DKK1: variants seen among roughly 807,000 people sequenced by gnomAD.
The protein encoded by DKK1 is dickkopf-related protein 1.
In DKK1, 18 loss-of-function variants were observed where a neutral mutation model predicts 26.0. The ratio of observed to expected loss-of-function variants is 0.69; its 90% confidence interval spans 0.48 to 1.03. The LOEUF is 1.03. Among genes scored for constraint, DKK1 ranks in the 50% least tolerant of loss-of-function variants. The pLI, the probability that DKK1 is intolerant of heterozygous loss-of-function variation, is 0.00. For synonymous variants in DKK1, 130 were observed against 132.6 expected, an observed-to-expected ratio of 0.98 and a Z score of 0.13; for missense variants, 335 against 348.5, an observed-to-expected ratio of 0.96 and a Z score of 0.31.
chr10:52,314,626 G>A lies in DKK1; in HGVS notation c.192G>A (p.Pro64=), dbSNP rs773252103. The change falls in exon 1 of 4, where the codon CCG becomes CCA. Residue 64 remains proline (P), a synonymous_variant. Coordinates refer to ENST00000373970, the MANE Select transcript of DKK1 (RefSeq NM_012242.4). This position sits in a 1 kb window ranked among gnomAD's most constrained non-coding sequence, Gnocchi z 5.7. ...CAGGCTCTGCAGTCAGCGCCGCGCC[G>A]GGAATCCTGTACCCGGGCGGGAATA... ...GHPGSAVSAA[P]GILYPGGNKY... 5 of 1,613,146 alleles carry A rather than the reference G, an allele frequency of 3.1e-6. No homozygotes were observed. Among genetic ancestry groups the A allele is most frequent in the African/African-American group, 1.3e-5 (1 of 74,902 alleles).
chr10:52,315,531 G>A (rs1334340695), intron 2 of DKK1, among the ~76,000 whole-genome samples: 1 of 152,084 alleles, frequency 6.6e-6, no homozygotes, highest in African/African-American at 2.4e-5. Context: ...GACTGGCCTC[G>A]CCTTCTGATT....
Position 52,316,451 on chromosome 10 carries a change from C to T in DKK1, c.547+16C>T, listed in dbSNP as rs763734124. 1.3e-5 allele frequency: 21 copies of T among 1,613,446 alleles called. No homozygotes were observed. Among genetic ancestry groups the T allele is most frequent in the Non-Finnish European group, 1.7e-6 (2 of 1,179,832 alleles). On this transcript the variant is annotated intron_variant, in intron 3 of 3. Coordinates refer to ENST00000373970, the MANE Select transcript of DKK1 (RefSeq NM_012242.4). ...CACACCAAAGGTAAGGATGTTAAGA[C>T]TCATTCTTAGCACATCAGAAGTGTC...
rs1469304856 is a variant in DKK1, at chr10:52,317,071, G to A, written c.*264G>A. On this transcript the variant is annotated 3_prime_UTR_variant, in exon 4 of 4. Coordinates refer to ENST00000373970, the MANE Select transcript of DKK1 (RefSeq NM_012242.4). Reference sequence around the variant, plus strand: ...GAAACTTTTAATTATTTTTCTAAAGGTGCTGCACTGCCTATTTTTCCTCTT... The same window carrying A: ...GAAACTTTTAATTATTTTTCTAAAGATGCTGCACTGCCTATTTTTCCTCTT... 2.4e-6 allele frequency: 1 copy of A among 417,928 alleles called. No individual in the cohort carries two copies. The highest frequency in any genetic ancestry group is 4.3e-6 in the Non-Finnish European group (1 of 233,824). The allele number at this position is 417,928 out of a possible 1,614,324, so 25.9% of individuals were successfully genotyped here. A position where few individuals can be genotyped will look rare whatever the true frequency, so the allele number is the denominator to read the frequency against.
Position 52,314,899 on chromosome 10 carries a change from C to T in DKK1, c.244-24C>T, listed in dbSNP as rs2132486289. ...GTACCTGGACGTCTGGGTGCCTCAC[C>T]CTCTCCCCGAACCCTTCCCACAGCC... On this transcript the variant is annotated intron_variant, in intron 1 of 3. Coordinates refer to ENST00000373970, the MANE Select transcript of DKK1 (RefSeq NM_012242.4). The surrounding 1 kb of genome is among the most constrained non-coding windows in gnomAD (Gnocchi z 5.7). 6.8e-7 allele frequency: 1 copy of T among 1,481,052 alleles called. No individual in the cohort carries two copies. Among genetic ancestry groups the T allele is most frequent in the East Asian group, 2.4e-5 (1 of 40,824 alleles). The allele number at this position is 1,481,052 out of a possible 1,614,324, so 91.7% of individuals were successfully genotyped here. A position where few individuals can be genotyped will look rare whatever the true frequency, so the allele number is the denominator to read the frequency against.
At position 52,315,049 on chromosome 10, in the gene DKK1, C is replaced by G; in HGVS notation, c.370C>G (p.His124Asp). ...CRKRRKRCMR[H>D]AMCCPGNYCK... is the part of the protein sequence containing the mutation. ...GAAGCGCCGAAAACGCTGCATGCGT[C>G]ACGCTATGTGCTGCCCCGGGAATTA... The change falls in exon 2 of 4, where the codon CAC (histidine) becomes GAC (aspartate). Residue 124 changes from histidine to aspartate, a missense_variant. Coordinates refer to ENST00000373970, the MANE Select transcript of DKK1 (RefSeq NM_012242.4). 1 of 1,599,486 alleles carries G rather than the reference C, an allele frequency of 6.3e-7. No homozygotes were observed. Among genetic ancestry groups the G allele is most frequent in the Non-Finnish European group, 8.5e-7 (1 of 1,170,804 alleles).
intron 2 of DKK1, 155 bp downstream of exon 2, chr10:52,315,240 T>G: frequency 1.5e-6 from 1 of 678,314 alleles, no homozygotes; most frequent in Non-Finnish European, 2.2e-6. Context: ...GCATGCAGGA[T>G]TCCGCTGAAG....
At position 52,315,104 on chromosome 10, in the gene DKK1, C is replaced by T. The variant is rs1842603165; in HGVS notation, c.406+19C>T. The T allele has an allele frequency of 2.9e-6, 4 of 1,403,046 alleles. No homozygotes were observed. Among genetic ancestry groups the T allele is most frequent in the African/African-American group, 3.1e-5 (2 of 63,740 alleles). 86.9% of individuals were successfully genotyped at this position (1,403,046 alleles called of 1,614,324 possible). A position where few individuals can be genotyped will look rare whatever the true frequency, so the allele number is the denominator to read the frequency against. ...AAAAATGGTGAGTCCTGAAAGCTCC[C>T]TTTCACACTAAAACTGTCCAGCCTT... On this transcript the variant is annotated intron_variant, in intron 2 of 3. Transcript: ENST00000373970.
In DKK1 at chr10:52,314,455, G is replaced by T. The variant is rs1842595535; in HGVS notation, c.21G>T (p.Ala7=). 6.2e-7 allele frequency: 1 copy of T among 1,613,798 alleles called. No individual in the cohort carries two copies. The highest frequency in any genetic ancestry group is 1.3e-5 in the African/African-American group (1 of 74,928). Residue 7 remains alanine (A), a synonymous_variant, in exon 1 of 4, where the codon GCG becomes GCT. Transcript: ENST00000373970. This position sits in a 1 kb window ranked among gnomAD's most constrained non-coding sequence, Gnocchi z 5.7. ...CTGAGATGATGGCTCTGGGCGCAGC[G>T]GGAGCTACCCGGGTCTTTGTCGCGA... MMALGA[A]GATRVFVAMV...
rs769862048 is a variant in DKK1 at position 52,314,623 on chromosome 10, G to T, written c.189G>T (p.Ala63=). The part of the protein sequence containing the change: ...AGHPGSAVSA[A]PGILYPGGNK... ...ACCCAGGCTCTGCAGTCAGCGCCGC[G>T]CCGGGAATCCTGTACCCGGGCGGGA... Residue 63 remains alanine (A), a synonymous_variant, in exon 1 of 4, where the codon GCG becomes GCT. Transcript: ENST00000373970. This position sits in a 1 kb window ranked among gnomAD's most constrained non-coding sequence, Gnocchi z 5.7. 3 of 1,613,268 alleles carry T rather than the reference G, an allele frequency of 1.9e-6. No individual in the cohort carries two copies. Among genetic ancestry groups the T allele is most frequent in the East Asian group, 2.2e-5 (1 of 44,822 alleles).
Position 52,314,926 on chromosome 10 carries a change from T to C in DKK1, c.247T>C (p.Tyr83His), listed in dbSNP as rs1246327768. ...KYQTIDNYQPYPCAEDEECGT... is the reference protein window; with the variant it reads ...KYQTIDNYQPHPCAEDEECGT... The stretch of plus-strand genomic sequence containing the variant: ...TCTCCCCGAACCCTTCCCACAGCCG[T>C]ACCCGTGCGCAGAGGACGAGGAGTG... Residue 83 changes from tyrosine to histidine, a missense_variant, in exon 2 of 4, where the codon TAC becomes CAC. Physicochemically the swap from Tyr to His is moderately conservative, Grantham distance 83. Transcript: ENST00000373970. This position sits in a 1 kb window ranked among gnomAD's most constrained non-coding sequence, Gnocchi z 5.7. 8.5e-6 allele frequency: 13 copies of C among 1,530,206 alleles called. No individual in the cohort carries two copies. Among genetic ancestry groups the C allele is most frequent in the East Asian group, 7.0e-5 (3 of 42,664 alleles). The allele number at this position is 1,530,206 out of a possible 1,614,324, so 94.8% of individuals were successfully genotyped here. A position where few individuals can be genotyped will look rare whatever the true frequency, so the allele number is the denominator to read the frequency against.
In DKK1 at chr10:52,314,356, C is replaced by T. The variant is rs987347582; in HGVS notation, c.-79C>T. Reference sequence around the variant, plus strand: ...CCGGACCCTGACTCTGCAGCCGAACCGGCACGGTTTCGTGGGGACCCAGGC... The same window carrying T: ...CCGGACCCTGACTCTGCAGCCGAACTGGCACGGTTTCGTGGGGACCCAGGC... On this transcript the variant is annotated 5_prime_UTR_variant, in exon 1 of 4. Coordinates refer to ENST00000373970, the MANE Select transcript of DKK1 (RefSeq NM_012242.4). This position sits in a 1 kb window ranked among gnomAD's most constrained non-coding sequence, Gnocchi z 5.7. 3 of 1,578,854 alleles carry T rather than the reference C, an allele frequency of 1.9e-6. No individual in the cohort carries two copies. The African/African-American group carries it at 4.0e-5, about 21-fold the overall frequency.
intron 2 of DKK1, 93 bp downstream of exon 2, chr10:52,315,178 G>GGGGGGGGGGGA: frequency 5.6e-6 from 1 of 178,504 alleles, no homozygotes; most frequent in South Asian, 7.7e-5. Context: ...GGGGTGGGGG[G>GGGGGGGGGGGA]AGAAATCTCC....
rs1341215317 is a variant in DKK1 at position 52,317,528 on chromosome 10, T to C, written c.*721T>C. The C allele has an allele frequency of 6.6e-6, 1 of 152,184 alleles. No individual in the cohort carries two copies. The highest frequency in any genetic ancestry group is 1.5e-5 in the Non-Finnish European group (1 of 68,046). The allele number at this position is 152,184 out of a possible 1,614,324, so 9.4% of individuals were successfully genotyped here. A position where few individuals can be genotyped will look rare whatever the true frequency, so the allele number is the denominator to read the frequency against. On this transcript the variant is annotated 3_prime_UTR_variant, in exon 4 of 4. Transcript: ENST00000373970. ...ACAGTGTCTAAATATAAGACAATAT[T>C]GATCAGCTCTAGAATAACTTTAAAG...
At chr10:52,315,471 G>A (rs185876522) in intron 2 of DKK1, among the ~76,000 whole-genome samples, 1 of 152,142 alleles carries the variant, frequency 6.6e-6, no homozygotes, top group Non-Finnish European at 1.5e-5. Context: ...CAGCTTTGGC[G>A]TTCAGCTGTC....
In DKK1 at chr10:52,316,913, C is replaced by A; in HGVS notation, c.*106C>A. The A allele has an allele frequency of 7.4e-7, 1 of 1,345,458 alleles. No individual in the cohort carries two copies. The highest frequency in any genetic ancestry group is 1.0e-6 in the Non-Finnish European group (1 of 987,014). The allele number at this position is 1,345,458 out of a possible 1,614,324, so 83.3% of individuals were successfully genotyped here. ...TAAGGATATACAAGTTCTGTGGTTT[C>A]AGTTAAGCATTCCAATAACACCTTC... is the stretch of plus-strand genomic sequence containing the variant. On this transcript the variant is annotated 3_prime_UTR_variant, in exon 4 of 4. Transcript: ENST00000373970.
In DKK1 at chr10:52,316,780, T is replaced by C. The variant is rs747679426; in HGVS notation, c.774T>C (p.Ser258=). The part of the protein sequence containing the change: ...QKDHHQASNS[S]RLHTCQRH ...ATCACCATCAAGCCAGTAATTCTTC[T>C]AGGCTTCACACTTGTCAGAGACACT... Residue 258 remains serine (S), a synonymous_variant, in exon 4 of 4, where the codon TCT becomes TCC. Coordinates refer to ENST00000373970, the MANE Select transcript of DKK1 (RefSeq NM_012242.4). The C allele has an allele frequency of 1.2e-6, 2 of 1,614,190 alleles. No homozygotes were observed. Among genetic ancestry groups the C allele is most frequent in the Admixed American group, 1.7e-5 (1 of 60,024 alleles).
chr10:52,314,641 G>A lies in DKK1; in HGVS notation c.207G>A (p.Pro69=), dbSNP rs1209710185. Residue 69 remains proline (P), a synonymous_variant, in exon 1 of 4, where the codon CCG becomes CCA. Coordinates refer to ENST00000373970, the MANE Select transcript of DKK1 (RefSeq NM_012242.4). This position sits in a 1 kb window ranked among gnomAD's most constrained non-coding sequence, Gnocchi z 5.7. ...GCGCCGCGCCGGGAATCCTGTACCC[G>A]GGCGGGAATAAGTACCAGACCATTG... ...AVSAAPGILY[P]GGNKYQTIDN... is the part of the protein sequence containing the mutation. 3.1e-6 allele frequency: 5 copies of A among 1,613,226 alleles called. No individual in the cohort carries two copies. The highest frequency in any genetic ancestry group is 1.1e-5 in the South Asian group (1 of 91,044).
At chr10:52,316,527 T>C in intron 3 of DKK1, 27 bp from the exon 4 acceptor site, 1 of 1,612,584 alleles carries the variant, frequency 6.2e-7, no homozygotes, top group Non-Finnish European at 8.5e-7. Context: ...ACTATGTACT[T>C]TTTTCCTACT....
Position 52,314,447 on chromosome 10 carries a change from G to A in DKK1, c.13G>A (p.Gly5Ser). Residue 5 changes from glycine (G) to serine (S), a missense_variant, in exon 1 of 4, where the codon GGC becomes AGC. Transcript: ENST00000373970. The surrounding 1 kb of genome is among the most constrained non-coding windows in gnomAD (Gnocchi z 5.7). MMAL[G>S]AAGATRVFVA... ...GAGTCCTTCTGAGATGATGGCTCTG[G>A]GCGCAGCGGGAGCTACCCGGGTCTT... 2 of 1,613,936 alleles carry A rather than the reference G, an allele frequency of 1.2e-6. No homozygotes were observed. Among genetic ancestry groups the A allele is most frequent in the Non-Finnish European group, 1.7e-6 (2 of 1,180,018 alleles).
Sources: allele counts gnomAD v4.1 joint callset (sites outside exome capture counted in the v4.1 genomes callset), GRCh38; gene constraint gnomAD v4.1.1; non-coding constraint Gnocchi (gnomAD v3.1); transcripts MANE v1.5; gene names NCBI Gene and HGNC (gene_info 2026-07-23, HGNC 2026-07-21).